Variants in PDHX observed in about 807,000 individuals in gnomAD.
PDHX encodes the protein pyruvate dehydrogenase protein X component, mitochondrial.
PDHX carries 33 observed loss-of-function variants against 55.3 expected under a neutral mutation model. The ratio of observed to expected loss-of-function variants is 0.60; its 90% CI spans 0.45 to 0.80. The LOEUF (loss-of-function observed/expected upper bound fraction) is 0.80. Among genes scored for constraint, PDHX ranks in the 30% least tolerant of loss-of-function variants. The pLI is 0.00. For synonymous variants in PDHX, 226 were observed against 219.4 expected (o/e 1.03, Z -0.27); for missense variants, 622 against 619.9 (o/e 1.00, Z -0.04).
rs74861151 is a variant in PDHX, at chr11:34,977,485, A to G, written c.965-639A>G. Among the ~76,000 whole-genome samples the G allele has an allele frequency of 1.7e-3, 264 of 152,326 alleles. 1 individual carries two copies. Among genetic ancestry groups the G allele is most frequent in the African/African-American group, 6.1e-3 (253 of 41,584 alleles). On this transcript the variant is annotated intron_variant, in intron 7 of 10. Transcript: ENST00000227868. ...AACTATGGATGGAGAACCTCATTTT[A>G]TTAATCACACTAGGACCTATGCCAG...
intron 9 of PDHX, among the ~76,000 whole-genome samples, chr11:34,987,575 T>C (rs1272357976): frequency 6.6e-6 from 1 of 152,132 alleles, no homozygotes; most frequent in Non-Finnish European, 1.5e-5. Context: ...TGGTTTATCT[T>C]GTAAGCATGA....
intron 2 of PDHX, among the ~76,000 whole-genome samples, chr11:34,937,670 A>G (rs529444512): frequency 6.6e-6 from 1 of 152,278 alleles, no homozygotes; most frequent in East Asian, 1.9e-4. Flanking sequence ...GCCATGTGAT[A>G]ACAGGCAAAA....
chr11:34,948,652 A>G (rs918985347), intron 3 of PDHX, among the ~76,000 whole-genome samples: 4 of 146,616 alleles, frequency 2.7e-5, no homozygotes, highest in Admixed American at 1.4e-4. Flanking sequence ...CATCTCTCAT[A>G]TTAGATACTA....
intron 8 of PDHX, among the ~76,000 whole-genome samples, chr11:34,984,366 A>G (rs1228421967): frequency 6.6e-6 from 1 of 152,214 alleles, no homozygotes; most frequent in Admixed American, 6.5e-5. Context: ...ACTTGCTTCA[A>G]AAAGGTGGTA....
chr11:34,991,116 AAATTTAACT>A (rs951578308), intron 9 of PDHX, among the ~76,000 whole-genome samples: 5 of 150,878 alleles, frequency 3.3e-5, no homozygotes, highest in African/African-American at 1.2e-4. Flanking sequence ...AGTGAGAGGA[AAATTTAACT>A]AATATGTCAT....
intron 5 of PDHX, among the ~76,000 whole-genome samples, chr11:34,965,458 A>G (rs376898843): frequency 1.3e-5 from 2 of 152,178 alleles, no homozygotes; most frequent in South Asian, 2.1e-4. Flanking sequence ...ATTACCTGAT[A>G]TATCTGCCCT....
intron 2 of PDHX, among the ~76,000 whole-genome samples, chr11:34,937,588 T>C (rs2133952769): frequency 6.6e-6 from 1 of 152,128 alleles, no homozygotes; most frequent in South Asian, 2.1e-4. Context: ...ATTATAGGAG[T>C]TGAAGTTCAG....
In PDHX at chr11:34,995,206, T is replaced by C. The variant is rs376037131; in HGVS notation, c.*34T>C. On this transcript the variant is annotated 3_prime_UTR_variant, in exon 11 of 11. Coordinates refer to ENST00000227868, the MANE Select transcript of PDHX (RefSeq NM_003477.3). ...GATAAGAAGTTGGTGTTCAGCTTAG[T>C]TGATTCAGTAGTTGTTACCAAGAAA... 25 of 1,610,040 alleles carry C rather than the reference T, an allele frequency of 1.6e-5. No individual in the cohort carries two copies. In the African/African-American group the frequency reaches 3.1e-4, roughly 20 times the overall value.
At chr11:34,917,566 C>G (rs1853762147) in intron 1 of PDHX, among the ~76,000 whole-genome samples, 1 of 152,036 alleles carries the variant, frequency 6.6e-6, no homozygotes, top group African/African-American at 2.4e-5. Context: ...GAGAATAGGA[C>G]TGACGTTTTT....
chr11:34,940,925 T>C (rs1170688827), intron 2 of PDHX, among the ~76,000 whole-genome samples: 1 of 152,258 alleles, frequency 6.6e-6, no homozygotes, highest in Non-Finnish European at 1.5e-5. Context: ...TCCATCATTA[T>C]GCGTTTTTAC....
intron 3 of PDHX, among the ~76,000 whole-genome samples, chr11:34,951,306 G>A (rs1427797437): frequency 8.6e-5 from 13 of 150,818 alleles, no homozygotes; most frequent in African/African-American, 3.0e-4. Context: ...TGATCCACCC[G>A]CCTCGGCCTC....
chr11:34,960,499 C>T lies in PDHX; in HGVS notation c.622C>T (p.Arg208Trp), dbSNP rs61752927. Residue 208 changes from arginine (R) to tryptophan (W), a missense_variant, in exon 5 of 11, where the codon CGG (arginine) becomes TGG (tryptophan). Arg to Trp is a moderately radical substitution (Grantham distance 101). Coordinates refer to ENST00000227868, the MANE Select transcript of PDHX (RefSeq NM_003477.3). ...TAGCCAGGGCACAGCCACTGGCCCT[C>T]GGGGGATATTCACTAAAGAGTATGT... ...DASQGTATGP[R>W]GIFTKEDALK... 2.1e-4 allele frequency: 330 copies of T among 1,603,252 alleles called. No individual in the cohort carries two copies. The highest frequency in any genetic ancestry group is 2.5e-4 in the Non-Finnish European group (296 of 1,170,508).
intron 8 of PDHX, among the ~76,000 whole-genome samples, chr11:34,981,537 A>G (rs2133994494): frequency 6.6e-6 from 1 of 152,320 alleles, no homozygotes; most frequent in Admixed American, 6.5e-5. Context: ...TGCTGGGTCA[A>G]ATGGTATTTC....
At chr11:34,916,285 G>A (rs774565620), upstream of PDHX, 24 of 1,612,310 alleles carry the variant, frequency 1.5e-5, no homozygotes, top group East Asian at 3.8e-4. Flanking sequence ...AGCCAGACAT[G>A]GCCCAGACCA....
At chr11:34,983,808 A>T (rs1855578529) in intron 8 of PDHX, among the ~76,000 whole-genome samples, 1 of 152,218 alleles carries the variant, frequency 6.6e-6, no homozygotes, top group African/African-American at 2.4e-5. Context: ...TTCCATGGTC[A>T]TGGGTAGGAA....
At chr11:34,952,512 C>T (rs1350835669) in intron 3 of PDHX, among the ~76,000 whole-genome samples, 1 of 151,072 alleles carries the variant, frequency 6.6e-6, no homozygotes, top group Non-Finnish European at 1.5e-5. Context: ...GGGCTTCATC[C>T]CTGGGATGCA....
At chr11:34,994,885 T>A (rs1435824060) in intron 10 of PDHX, 29 bp from the exon 11 acceptor site, 1 of 1,613,488 alleles carries the variant, frequency 6.2e-7, no homozygotes, top group African/African-American at 1.3e-5. Flanking sequence ...AGGACATGCC[T>A]CCTTCAGAGC....
At chr11:34,987,775 A>C (rs1855680860) in intron 9 of PDHX, among the ~76,000 whole-genome samples, 1 of 151,632 alleles carries the variant, frequency 6.6e-6, no homozygotes, top group African/African-American at 2.4e-5. Context: ...CTTCACGTCC[A>C]ATATAGATTT....
intron 3 of PDHX, among the ~76,000 whole-genome samples, chr11:34,952,920 A>G (rs886943759): frequency 2.0e-5 from 3 of 151,638 alleles, no homozygotes; most frequent in Admixed American, 6.6e-5. Context: ...TGCAGCCGAC[A>G]TGATTGTATA....
Sources: gnomAD v4.1 joint callset for allele counts (sites outside exome capture counted in the v4.1 genomes callset) on GRCh38, gnomAD v4.1.1 for gene constraint, MANE v1.5 for transcripts, NCBI Gene and HGNC (gene_info 2026-07-23, HGNC 2026-07-21) for gene names.